The following DAB1 variants were observed in gnomAD, a reference collection of about 807,000 sequenced individuals.
The protein encoded by DAB1 is DAB adaptor protein 1.
Under a neutral mutation model 64.6 loss-of-function variants are expected in DAB1, and 15 were observed. The ratio of observed to expected loss-of-function variants is 0.23; its 90% confidence interval spans 0.16 to 0.36. The LOEUF is 0.36. DAB1 is among the 10% of genes least tolerant of loss of function. The probability of loss-of-function intolerance (pLI) is 1.00; values close to 1 mark genes in which losing one functional copy is unlikely to be tolerated. For synonymous variants in DAB1, 235 were observed against 251.9 expected (o/e 0.93, Z 0.64); for missense variants, 596 against 706.7 (o/e 0.84, Z 1.78).
At chr1:58,494,176 CCT>C (rs1418793176) in intron 3 of DAB1, among the ~76,000 whole-genome samples, 1 of 152,126 alleles carries the variant, frequency 6.6e-6, no homozygotes, top group Non-Finnish European at 1.5e-5. Context: ...GAAAGGATTC[CCT>C]CTTTAATAAA....
chr1:57,281,408 A>G (rs931716210), intron 2 of DAB1, among the ~76,000 whole-genome samples: 4 of 152,200 alleles, frequency 2.6e-5, no homozygotes, highest in Non-Finnish European at 5.9e-5. Flanking sequence ...GAAAAAATGT[A>G]TTCCCAGGAG....
At chr1:58,400,838 G>T (rs749453633) in intron 3 of DAB1, among the ~76,000 whole-genome samples, 2 of 152,012 alleles carry the variant, frequency 1.3e-5, no homozygotes, top group Non-Finnish European at 2.9e-5. Flanking sequence ...TAGGTGTTTT[G>T]GGAATAATTA....
At chr1:57,841,288 C>T (rs1248077810) in intron 1 of DAB1, among the ~76,000 whole-genome samples, 1 of 152,218 alleles carries the variant, frequency 6.6e-6, no homozygotes, top group Non-Finnish European at 1.5e-5. Flanking sequence ...CCTGCAGCTG[C>T]TTTCATGGGC....
intron 3 of DAB1, chr1:58,505,992 G>A: frequency 9.1e-6 from 7 of 772,206 alleles, no homozygotes; most frequent in Non-Finnish European, 1.6e-5. Flanking sequence ...CTAAGCAAAA[G>A]AAGTGACAGC....
chr1:57,321,216 T>A (rs1191736330), intron 1 of DAB1, among the ~76,000 whole-genome samples: 2 of 152,148 alleles, frequency 1.3e-5, no homozygotes, highest in Non-Finnish European at 2.9e-5. Context: ...TTAAATAGAA[T>A]CCAAAAAATG....
At chr1:57,354,461 T>C (rs531207955) in intron 1 of DAB1, among the ~76,000 whole-genome samples, 1 of 152,144 alleles carries the variant, frequency 6.6e-6, no homozygotes, top group Non-Finnish European at 1.5e-5. Flanking sequence ...ACATCTTCAA[T>C]GAAATTGCCA....
chr1:58,197,466 CT>C (rs1657746252), intron 4 of DAB1, among the ~76,000 whole-genome samples: 1 of 150,526 alleles, frequency 6.6e-6, no homozygotes, highest in Non-Finnish European at 1.5e-5. Flanking sequence ...GTGGTGCCAT[CT>C]CAGCTCACTG....
At position 57,085,237 on chromosome 1, in the gene DAB1, G is replaced by A. The variant is rs540201191; in HGVS notation, c.307-12823C>T. 3.9e-5 allele frequency among the ~76,000 whole-genome samples: 6 copies of A among 152,260 alleles called. No individual in the cohort carries two copies. In the South Asian group the frequency reaches 6.2e-4, roughly 16 times the overall value. On this transcript the variant is annotated intron_variant, in intron 4 of 14. Transcript: ENST00000371236. The stretch of plus-strand genomic sequence containing the variant: ...CAGTCTGATGCCAAGCTTCATGCCC[G>A]TTTTACTACATCAGGTCATCTCCTT...
In DAB1 at chr1:57,905,824, G is replaced by C. The variant is rs111316311; in HGVS notation, n.388-21662C>G. Among the ~76,000 whole-genome samples, 1,504 of 152,278 alleles carry C rather than the reference G, an allele frequency of 9.9e-3. 12 individuals carry two copies. The highest frequency in any genetic ancestry group is 0.028 in the African/African-American group (1,149 of 41,564). ...TAGGGAGGTAGGAGGAAAACCTGGAGGCTGTGGTATTAGAGAGGTCAAAAC... is the reference window on the plus strand; with the variant it reads ...TAGGGAGGTAGGAGGAAAACCTGGACGCTGTGGTATTAGAGAGGTCAAAAC... On this transcript the variant is annotated intron_variant and non_coding_transcript_variant, in intron 5 of 20. Coordinates refer to the DAB1 transcript ENST00000485760.
intron 5 of DAB1, among the ~76,000 whole-genome samples, chr1:58,088,816 C>G (rs1439163515): frequency 6.6e-6 from 1 of 152,098 alleles, no homozygotes; most frequent in Admixed American, 6.6e-5. Flanking sequence ...AGTCAGACAT[C>G]AAGGCTACAA....
chr1:58,478,043 G>A (rs1475463675), intron 3 of DAB1, among the ~76,000 whole-genome samples: 2 of 152,248 alleles, frequency 1.3e-5, no homozygotes, highest in Middle Eastern at 3.4e-3. Flanking sequence ...AAATGATATG[G>A]TTTGACTCTG....
At chr1:57,107,004 CATT>C (rs1305336313) in intron 4 of DAB1, among the ~76,000 whole-genome samples, 1 of 152,156 alleles carries the variant, frequency 6.6e-6, no homozygotes, top group Non-Finnish European at 1.5e-5. Flanking sequence ...CTTCAGGCAT[CATT>C]GTGTTGATAT....
chr1:57,947,262 G>A (rs1415628435), intron 5 of DAB1, among the ~76,000 whole-genome samples: 2 of 152,114 alleles, frequency 1.3e-5, no homozygotes, highest in Admixed American at 1.3e-4. Flanking sequence ...AATTCTCAGA[G>A]ATGACAGCCC....
chr1:57,177,973 C>T (rs1662507081), intron 2 of DAB1, among the ~76,000 whole-genome samples: 1 of 152,040 alleles, frequency 6.6e-6, no homozygotes, highest in South Asian at 2.1e-4. Context: ...TGTTTTATGG[C>T]ATGTTTATAA....
At position 57,142,609 on chromosome 1, in the gene DAB1, C is replaced by CACACACACACACACACACACACAT. The variant is rs1295314971; in HGVS notation, c.207+2680_207+2681insATGTGTGTGTGTGTGTGTGTGTGT. On this transcript the variant is annotated intron_variant, in intron 3 of 14. Transcript: ENST00000371236. The stretch of plus-strand genomic sequence containing the variant: ...CACTTCACTGCAGGTCACACACACA[C>CACACACACACACACACACACACAT]ACACACACACACACACACACATACA... Among the ~76,000 whole-genome samples the CACACACACACACACACACACACAT allele has an allele frequency of 6.1e-3, 917 of 149,222 alleles. 4 individuals carry two copies. Among genetic ancestry groups the CACACACACACACACACACACACAT allele is most frequent in the Middle Eastern group, 0.014 (4 of 290 alleles).
chr1:57,786,995 C>T (rs974117191), intron 6 of DAB1, among the ~76,000 whole-genome samples: 1 of 151,774 alleles, frequency 6.6e-6, no homozygotes, highest in African/African-American at 2.4e-5. Flanking sequence ...ATTAAAAAAA[C>T]CAGTGAGAGA....
intron 1 of DAB1, among the ~76,000 whole-genome samples, chr1:57,321,896 T>C (rs1675753164): frequency 6.7e-6 from 1 of 148,690 alleles, no homozygotes; most frequent in African/African-American, 2.4e-5. Flanking sequence ...CTACGACAGA[T>C]GGCTATCCAG....
At chr1:58,398,456 T>C (rs1048625011) in intron 3 of DAB1, among the ~76,000 whole-genome samples, 1 of 152,208 alleles carries the variant, frequency 6.6e-6, no homozygotes, top group Non-Finnish European at 1.5e-5. Flanking sequence ...AGCCACACAG[T>C]TGTAAGAGGC....
intron 4 of DAB1, among the ~76,000 whole-genome samples, chr1:58,325,305 G>C (rs568166303): frequency 7.2e-5 from 11 of 152,310 alleles, no homozygotes; most frequent in African/African-American, 1.9e-4. Flanking sequence ...ATCAGAGCTA[G>C]TATTTCTTTG....
Sources: gnomAD v4.1 joint callset for allele counts (sites outside exome capture counted in the v4.1 genomes callset) on GRCh38, gnomAD v4.1.1 for gene constraint, MANE v1.5 for transcripts, NCBI Gene and HGNC (gene_info 2026-07-23, HGNC 2026-07-21) for gene names.